TANC1: variants seen among roughly 807,000 people sequenced by gnomAD.
TANC1 encodes tetratricopeptide repeat, ankyrin repeat and coiled-coil containing 1, also known as protein TANC1.
Under a neutral mutation model 149.7 loss-of-function variants are expected in TANC1, and 77 were observed. That is an observed-to-expected ratio of 0.51 (90% confidence interval 0.43 to 0.62). TANC1 has a LOEUF of 0.62. Among genes scored for constraint, TANC1 ranks in the 20% least tolerant of loss-of-function variants. The probability of loss-of-function intolerance (pLI) is 0.00; values close to 1 mark genes in which losing one functional copy is unlikely to be tolerated. For missense variants in TANC1, 1,985 were observed against 2,321.8 expected, an observed-to-expected ratio of 0.85 and a Z score of 2.98; for synonymous variants, 854 against 925.0, an observed-to-expected ratio of 0.92 and a Z score of 1.39.
In TANC1 at chr2:159,177,510, T is replaced by G. The variant is rs1445561231; in HGVS notation, c.1902+992T>G. On this transcript the variant is annotated intron_variant, in intron 13 of 26. Transcript: ENST00000263635. The stretch of plus-strand genomic sequence containing the variant: ...AGACCTCAGTTGAACTTGATGCGTG[T>G]TTTTTGGACATTCAGTTTGTATATT... 2.0e-5 allele frequency among the ~76,000 whole-genome samples: 3 copies of G among 152,190 alleles called. 1 individual carries two copies. Among genetic ancestry groups the G allele is most frequent in the African/African-American group, 7.2e-5 (3 of 41,450 alleles).
chr2:159,067,832 C>G (rs776339574), intron 3 of TANC1, among the ~76,000 whole-genome samples: 5 of 152,286 alleles, frequency 3.3e-5, no homozygotes, highest in African/African-American at 1.2e-4. Flanking sequence ...GAAGAAATAG[C>G]AATATATTAA....
intron 16 of TANC1, among the ~76,000 whole-genome samples, chr2:159,191,373 G>T (rs1209300697): frequency 6.6e-6 from 1 of 152,168 alleles, no homozygotes; most frequent in East Asian, 1.9e-4. Flanking sequence ...GATAGAGAGG[G>T]CCTGGGTGCA....
chr2:159,202,910 C>T (rs768917095), intron 19 of TANC1, among the ~76,000 whole-genome samples: 1 of 152,102 alleles, frequency 6.6e-6, no homozygotes, highest in Non-Finnish European at 1.5e-5. Flanking sequence ...GTGAATCAGC[C>T]CAAGCCGAAA....
At chr2:159,106,173 T>C (rs1299838403) in intron 4 of TANC1, among the ~76,000 whole-genome samples, 2 of 152,248 alleles carry the variant, frequency 1.3e-5, no homozygotes, top group African/African-American at 2.4e-5. Context: ...TACAGTTCGA[T>C]GTTCTTTTTG....
In TANC1 at chr2:158,970,942, C is replaced by T. The variant is rs377714151; in HGVS notation, c.-126+2160C>T. On this transcript the variant is annotated intron_variant, in intron 1 of 26. Transcript: ENST00000263635. ...TTTTCCTGCTTTCTTGGTTTAACCA[C>T]CAGAATGCCCAAATTATTATAATTT... Among the ~76,000 whole-genome samples the T allele has an allele frequency of 1.1e-4, 16 of 152,298 alleles. No individual in the cohort carries two copies. In the East Asian group the frequency reaches 2.5e-3, roughly 24 times the overall value.
Position 159,150,498 on chromosome 2 carries a change from C to G in TANC1, c.624C>G (p.Pro208=). The part of the protein sequence containing the change: ...CVSKTAANKS[P]CETISSPSST... Reference sequence around the variant, plus strand: ...GCAAGACGGCAGCCAACAAAAGTCCCTGTGAGACCATTAGCAGCCCTAGTT... The same window carrying G: ...GCAAGACGGCAGCCAACAAAAGTCCGTGTGAGACCATTAGCAGCCCTAGTT... Residue 208 remains proline (P), a synonymous_variant, in exon 7 of 27, where the codon CCC becomes CCG. Transcript: ENST00000263635. 2.5e-6 allele frequency: 4 copies of G among 1,614,154 alleles called. No individual in the cohort carries two copies. The South Asian group carries it at 4.4e-5, about 18-fold the overall frequency.
intron 11 of TANC1, among the ~76,000 whole-genome samples, chr2:159,174,499 C>G (rs1011324281): frequency 6.6e-6 from 1 of 152,086 alleles, no homozygotes; most frequent in Non-Finnish European, 1.5e-5. Flanking sequence ...TCTACAGCCC[C>G]GGTCTCACAG....
chr2:159,142,611 A>G (rs1318523301), intron 5 of TANC1, among the ~76,000 whole-genome samples: 1 of 152,188 alleles, frequency 6.6e-6, no homozygotes, highest in African/African-American at 2.4e-5. Context: ...CTTGAGGCAG[A>G]GCACTTGTAT....
At chr2:159,055,068 A>G (rs945247273) in intron 2 of TANC1, among the ~76,000 whole-genome samples, 1 of 152,250 alleles carries the variant, frequency 6.6e-6, no homozygotes, top group Non-Finnish European at 1.5e-5. Flanking sequence ...GCTCTGTTGT[A>G]TGACACAAGT....
At chr2:158,979,386 T>G (rs1015599571) in intron 1 of TANC1, among the ~76,000 whole-genome samples, 1 of 151,424 alleles carries the variant, frequency 6.6e-6, no homozygotes, top group East Asian at 1.9e-4. Context: ...CTCAGCTACG[T>G]GGGAGACTGA....
At chr2:159,127,343 C>T (rs2049561352) in intron 4 of TANC1, among the ~76,000 whole-genome samples, 1 of 152,190 alleles carries the variant, frequency 6.6e-6, no homozygotes, top group Non-Finnish European at 1.5e-5. Context: ...GGAACAGGAC[C>T]TCTTTTACAC....
chr2:158,999,937 G>C (rs149698009), intron 1 of TANC1, among the ~76,000 whole-genome samples: 1 of 152,144 alleles, frequency 6.6e-6, no homozygotes, highest in Non-Finnish European at 1.5e-5. Context: ...GGGGGTTCAA[G>C]GAGGAGGTAA....
chr2:159,086,521 G>A (rs1209479102), intron 3 of TANC1, among the ~76,000 whole-genome samples: 7 of 152,170 alleles, frequency 4.6e-5, no homozygotes, highest in Non-Finnish European at 8.8e-5. Flanking sequence ...CTGAATAGGG[G>A]AAAAGTGAGA....
intron 1 of TANC1, among the ~76,000 whole-genome samples, chr2:158,992,480 A>G (rs540832642): frequency 2.6e-5 from 4 of 151,668 alleles, no homozygotes; most frequent in African/African-American, 9.7e-5. Flanking sequence ...TAAGGTATAC[A>G]TGTACTTATA....
intron 7 of TANC1, among the ~76,000 whole-genome samples, chr2:159,151,078 G>T (rs1559352654): frequency 6.6e-6 from 1 of 152,192 alleles, no homozygotes; most frequent in Non-Finnish European, 1.5e-5. Flanking sequence ...AAGTGTGGTT[G>T]TCCTGAAGCC....
At chr2:159,134,717 C>T (rs1452574332) in intron 4 of TANC1, among the ~76,000 whole-genome samples, 1 of 151,894 alleles carries the variant, frequency 6.6e-6, no homozygotes, top group Admixed American at 6.6e-5. Context: ...AACTCCTGAC[C>T]TCATGATCCA....
intron 2 of TANC1, among the ~76,000 whole-genome samples, chr2:159,002,544 CCTT>C (rs1311086399): frequency 5.3e-5 from 8 of 152,132 alleles, no homozygotes; most frequent in African/African-American, 1.9e-4. Flanking sequence ...TTATCTGACT[CCTT>C]CACAGAGATT....
intron 1 of TANC1, among the ~76,000 whole-genome samples, chr2:158,974,907 A>ATT (rs3028258): frequency 1.1e-3 from 115 of 103,268 alleles, no homozygotes; most frequent in East Asian, 2.6e-3. Context: ...TAATTTTTGT[A>ATT]TTTTTTTTTT....
At chr2:159,138,665 G>C (rs1412687067) in intron 5 of TANC1, among the ~76,000 whole-genome samples, 1 of 152,176 alleles carries the variant, frequency 6.6e-6, no homozygotes, top group Non-Finnish European at 1.5e-5. Flanking sequence ...GTGGTCTTCT[G>C]TTATCTATAT....
Sources: gnomAD v4.1 joint callset for allele counts (sites outside exome capture counted in the v4.1 genomes callset) on GRCh38, gnomAD v4.1.1 for gene constraint, MANE v1.5 for transcripts, NCBI Gene and HGNC (gene_info 2026-07-23, HGNC 2026-07-21) for gene names.